ACACB: variants seen among roughly 807,000 people sequenced by gnomAD.
The protein encoded by ACACB is acetyl-CoA carboxylase 2.
ACACB carries 209 observed loss-of-function variants against 278.8 expected under a neutral mutation model. That is an observed-to-expected ratio of 0.75 (90% confidence interval 0.67 to 0.84). The LOEUF (loss-of-function observed/expected upper bound fraction) is 0.84, where lower values mean the gene tolerates loss of function less well. ACACB is among the 40% of genes least tolerant of loss of function. The pLI is 0.00. For missense variants in ACACB, 2,850 were observed against 3,269.0 expected (o/e 0.87, Z 3.13); for synonymous variants, 1,174 against 1,285.6 (o/e 0.91, Z 1.86).
At chr12:109,171,760 C>A in intron 4 of ACACB, 45 bp from the exon 5 acceptor site, 1 of 1,432,248 alleles carries the variant, frequency 7.0e-7, no homozygotes, top group South Asian at 1.2e-5. Flanking sequence ...CCATTGATGT[C>A]AGTCTGTCAG....
intron 2 of ACACB, chr12:109,154,942 TA>T (rs1196783160): frequency 1.3e-5 from 2 of 152,716 alleles, no homozygotes; most frequent in Non-Finnish European, 2.9e-5. Flanking sequence ...CGAAGTAAAG[TA>T]AGTAAGCCTG....
At chr12:109,252,336 G>T in intron 42 of ACACB, 180 bp downstream of exon 42, 1 of 478,124 alleles carries the variant, frequency 2.1e-6, no homozygotes. Flanking sequence ...AAAAAAATTA[G>T]TTTTAGGCAA....
intron 47 of ACACB, 90 bp from the exon 48 acceptor site, chr12:109,260,390 C>G: frequency 3.9e-6 from 6 of 1,524,028 alleles, no homozygotes; most frequent in Non-Finnish European, 5.4e-6. Context: ...GCTGGGCTCA[C>G]TCTCCCAGGA....
chr12:109,145,810 C>A (rs1370345623), intron 2 of ACACB, among the ~76,000 whole-genome samples: 1 of 151,354 alleles, frequency 6.6e-6, no homozygotes, highest in Non-Finnish European at 1.5e-5. Flanking sequence ...ACCAGCCTGG[C>A]CAACACGGCA....
chr12:109,217,936 A>C (rs543237824), intron 24 of ACACB, among the ~76,000 whole-genome samples: 1 of 152,324 alleles, frequency 6.6e-6, no homozygotes, highest in East Asian at 1.9e-4. Context: ...CCAAATAAAT[A>C]GTTGCTCATT....
Position 109,167,914 on chromosome 12 carries a change from G to T in ACACB, c.805G>T (p.Gly269Trp), listed in dbSNP as rs533919628. 5 of 1,613,812 alleles carry T rather than the reference G, an allele frequency of 3.1e-6. No homozygotes were observed. In the Admixed American group the frequency reaches 6.7e-5, roughly 22 times the overall value. The change falls in exon 4 of 53, where the codon GGG becomes TGG. Residue 269 changes from glycine (G) to tryptophan (W), a missense_variant. Gly to Trp is a radical substitution (Grantham distance 184). This residue lies in a region of ACACB where 2,265 missense variants were observed against 2,561.3 expected (regional missense o/e 0.88). Transcript: ENST00000338432. ...CATGCAGGTGCTTATTGCCAACAAC[G>T]GGATTGCCGCCGTGAAGTGCATGCG... ...VIEKVLIANNGIAAVKCMRSI... is the reference protein window; with the variant it reads ...VIEKVLIANNWIAAVKCMRSI...
intron 1 of ACACB, among the ~76,000 whole-genome samples, chr12:109,134,559 G>A (rs535663526): frequency 1.3e-5 from 2 of 152,076 alleles, no homozygotes; most frequent in Non-Finnish European, 2.9e-5. Context: ...TTCAGGACTC[G>A]GACCTTTCTT....
intron 34 of ACACB, 98 bp from the exon 35 acceptor site, chr12:109,239,732 T>C (rs1357812508): frequency 7.3e-7 from 1 of 1,362,788 alleles, no homozygotes; most frequent in African/African-American, 1.5e-5. Context: ...GGGGAATGTT[T>C]TCCTCCTGTC....
chr12:109,155,317 A>G (rs1015703068), intron 2 of ACACB, among the ~76,000 whole-genome samples: 3 of 152,206 alleles, frequency 2.0e-5, no homozygotes, highest in Admixed American at 2.0e-4. Flanking sequence ...GGGCAAATCG[A>G]CGTGAACTTG....
At chr12:109,176,940 G>A (rs1339163334) in intron 9 of ACACB, among the ~76,000 whole-genome samples, 4 of 152,184 alleles carry the variant, frequency 2.6e-5, no homozygotes, top group African/African-American at 7.2e-5. Flanking sequence ...CTGTAGGAAC[G>A]AATTGCACAT....
At chr12:109,154,851 C>A (rs2043483516) in intron 2 of ACACB, 1 of 152,882 alleles carries the variant, frequency 6.5e-6, no homozygotes, top group Non-Finnish European at 1.5e-5. Context: ...ATGCTCTGCA[C>A]CCCTGCGGGA....
intron 16 of ACACB, among the ~76,000 whole-genome samples, chr12:109,196,129 G>A (rs1386755065): frequency 6.6e-6 from 1 of 152,114 alleles, no homozygotes; most frequent in Non-Finnish European, 1.5e-5. Context: ...AGAGAAAACT[G>A]AACTGAAGTA....
In ACACB at chr12:109,254,205, CT is replaced by C; in HGVS notation, c.6046-3del. Reference sequence around the variant, plus strand: ...CAGACTAAGTCAGAGACTTGGCTTTCTTTTTTAGGATAATCACAGCCCTGTC... The same window carrying C: ...CAGACTAAGTCAGAGACTTGGCTTTCTTTTTAGGATAATCACAGCCCTGTC... On this transcript the variant is annotated splice_region_variant and splice_polypyrimidine_tract_variant and intron_variant, in intron 43 of 52. Transcript: ENST00000338432. The C allele has an allele frequency of 6.2e-7, 1 of 1,613,500 alleles. No homozygotes were observed. Among genetic ancestry groups the C allele is most frequent in the Non-Finnish European group, 8.5e-7 (1 of 1,179,712 alleles).
Position 109,223,750 on chromosome 12 carries a change from A to G in ACACB, c.3793-65A>G, listed in dbSNP as rs1593624470. ...GCACTCCAGTTTATCTCAAATAAAAACAAAGAAAAACCTGAAACTTGTTCA... is the reference window on the plus strand; with the variant it reads ...GCACTCCAGTTTATCTCAAATAAAAGCAAAGAAAAACCTGAAACTTGTTCA... On this transcript the variant is annotated intron_variant, in intron 26 of 52. Transcript: ENST00000338432. The G allele has an allele frequency of 5.4e-6, 8 of 1,486,264 alleles. No individual in the cohort carries two copies. The East Asian group carries it at 1.8e-4, about 34-fold the overall frequency. 92.1% of individuals were successfully genotyped at this position (1,486,264 alleles called of 1,614,324 possible).
chr12:109,188,171 CTCCTTCCTTCCTTCCTTCCTTCCT>C lies in ACACB; in HGVS notation c.2144+49_2144+72del, dbSNP rs373209583. 2.6e-4 allele frequency: 359 copies of C among 1,357,102 alleles called. 2 individuals carry two copies. In the African/African-American group the frequency reaches 2.7e-3, roughly 10 times the overall value. The allele number at this position is 1,357,102 out of a possible 1,614,324, so 84.1% of individuals were successfully genotyped here. ...CGGGAAGAGGCCATTTCGTCAGTAT[CTCCTTCCTTCCTTCCTTCCTTCCT>C]TCCTTCCTTCCTTCCTTCCTTCCTT... On this transcript the variant is annotated intron_variant, in intron 13 of 52. Transcript: ENST00000338432.
chr12:109,254,786 T>TG (rs893554194), intron 44 of ACACB, among the ~76,000 whole-genome samples: 2 of 152,090 alleles, frequency 1.3e-5, no homozygotes, highest in African/African-American at 4.8e-5. Context: ...CTCTTCTTTT[T>TG]TTTTTTTTGA....
intron 11 of ACACB, among the ~76,000 whole-genome samples, chr12:109,182,568 C>G (rs2044515631): frequency 6.6e-6 from 1 of 152,170 alleles, no homozygotes; most frequent in East Asian, 1.9e-4. Context: ...TAAGGTCTCA[C>G]TATGTTGTCT....
At chr12:109,200,269 C>T (rs1315665803) in intron 18 of ACACB, among the ~76,000 whole-genome samples, 4 of 151,808 alleles carry the variant, frequency 2.6e-5, no homozygotes, top group Non-Finnish European at 5.9e-5. Context: ...CTGCAAACTC[C>T]GCCTCCCAGG....
chr12:109,190,455 T>C (rs1183966582), intron 13 of ACACB, among the ~76,000 whole-genome samples: 2 of 152,168 alleles, frequency 1.3e-5, no homozygotes, highest in African/African-American at 4.8e-5. Flanking sequence ...GAGGCAGCCA[T>C]GGGGCCCACC....
Sources: allele counts gnomAD v4.1 joint callset (sites outside exome capture counted in the v4.1 genomes callset), GRCh38; gene constraint gnomAD v4.1.1; regional missense constraint gnomAD v4.1.1; transcripts MANE v1.5; gene names NCBI Gene and HGNC (gene_info 2026-07-23, HGNC 2026-07-21).